Variants in RANBP2 observed in about 807,000 individuals in gnomAD.
RANBP2 encodes E3 SUMO-protein ligase RanBP2.
Under a neutral mutation model 303.6 loss-of-function variants are expected in RANBP2, and 57 were observed. That is an observed-to-expected ratio of 0.19 (90% CI 0.15 to 0.23). RANBP2 has a LOEUF of 0.23. RANBP2 is among the 10% of genes least tolerant of loss of function. The pLI, the probability that RANBP2 is intolerant of heterozygous loss-of-function variation, is 1.00. For synonymous variants in RANBP2, 1,167 were observed against 1,301.5 expected, an observed-to-expected ratio of 0.90 and a Z score of 2.23; for missense variants, 3,138 against 3,780.8, an observed-to-expected ratio of 0.83 and a Z score of 4.46.
chr2:108,783,012 C>T (rs1441421269), intron 28 of RANBP2, 150 bp downstream of exon 28: 6 of 721,910 alleles, frequency 8.3e-6, no homozygotes, highest in Middle Eastern at 7.2e-4. Context: ...GGCATCACTA[C>T]CCATTCCCTG....
At chr2:108,897,538 T>G in the RANBP2 span, among the ~76,000 whole-genome samples, 1 of 152,170 alleles carries the variant, frequency 6.6e-6, no homozygotes, top group Non-Finnish European at 1.5e-5. Flanking sequence ...TCTCAAAGAC[T>G]TCAAGACAAG....
the RANBP2 span, among the ~76,000 whole-genome samples, chr2:109,163,647 C>T: frequency 1.3e-5 from 2 of 152,006 alleles, no homozygotes; most frequent in Non-Finnish European, 2.9e-5. Context: ...GATCCGCCCG[C>T]CTCGGCCTCC....
At chr2:109,762,969 T>C in the RANBP2 span, among the ~76,000 whole-genome samples, 2 of 143,206 alleles carry the variant, frequency 1.4e-5, no homozygotes, top group Non-Finnish European at 3.0e-5. Flanking sequence ...ATGTTCTCAG[T>C]TTTATGGTTT....
the RANBP2 span, among the ~76,000 whole-genome samples, chr2:109,426,545 G>A: frequency 1.3e-5 from 2 of 152,212 alleles, no homozygotes; most frequent in African/African-American, 2.4e-5. Context: ...AACAGATGAG[G>A]AGTTGCTCCT....
chr2:109,295,092 A>G, the RANBP2 span, among the ~76,000 whole-genome samples: 7 of 152,348 alleles, frequency 4.6e-5, no homozygotes, highest in Non-Finnish European at 8.8e-5. Context: ...GAAAATTGAG[A>G]TGCAGACTTA....
the RANBP2 span, among the ~76,000 whole-genome samples, chr2:109,011,102 C>T: frequency 4.6e-5 from 7 of 152,230 alleles, no homozygotes; most frequent in African/African-American, 1.7e-4. Flanking sequence ...ACTGTGTCAT[C>T]TTAGGGTCAC....
chr2:108,875,331 AAAAAAG>A, the RANBP2 span, among the ~76,000 whole-genome samples: 36 of 136,310 alleles, frequency 2.6e-4, 1 homozygote, highest in East Asian at 0.13. Context: ...AAAAAAAAAA[AAAAAAG>A]AAACAAATTC....
chr2:109,449,114 C>CCGT, the RANBP2 span: 2 of 1,559,406 alleles, frequency 1.3e-6, no homozygotes, highest in Non-Finnish European at 1.7e-6. Context: ...GCCTGGCAGG[C>CCGT]ATGGCAAGTT....
chr2:109,498,772 C>G, the RANBP2 span, among the ~76,000 whole-genome samples: 1 of 152,162 alleles, frequency 6.6e-6, no homozygotes, highest in Non-Finnish European at 1.5e-5. Flanking sequence ...CAGACTGGTG[C>G]AGGAGGCAGG....
the RANBP2 span, among the ~76,000 whole-genome samples, chr2:109,286,299 G>C: frequency 6.6e-6 from 1 of 152,204 alleles, no homozygotes; most frequent in Admixed American, 6.5e-5. Context: ...TGTGGTCAAG[G>C]GATGTGTTTG....
At chr2:108,769,876 A>G (rs1200359159) in intron 20 of RANBP2, among the ~76,000 whole-genome samples, 1 of 152,032 alleles carries the variant, frequency 6.6e-6, no homozygotes, top group African/African-American at 2.4e-5. Context: ...AGGTTAGGGA[A>G]GTGAAATCTC....
At chr2:109,343,882 T>C in the RANBP2 span, among the ~76,000 whole-genome samples, 8 of 152,226 alleles carry the variant, frequency 5.3e-5, no homozygotes, top group African/African-American at 1.9e-4. Flanking sequence ...TAGCTGAGAC[T>C]ACAGGTACTT....
the RANBP2 span, among the ~76,000 whole-genome samples, chr2:109,082,595 G>A: frequency 7.9e-5 from 12 of 151,072 alleles, no homozygotes; most frequent in Admixed American, 3.9e-4. Context: ...CACCACACCC[G>A]GCCTAGCACC....
At chr2:109,194,464 T>C in the RANBP2 span, among the ~76,000 whole-genome samples, 1 of 152,214 alleles carries the variant, frequency 6.6e-6, no homozygotes, top group Non-Finnish European at 1.5e-5. Context: ...GTGTTGAGGC[T>C]CTGTAGAATG....
chr2:109,572,807 AG>A, the RANBP2 span, among the ~76,000 whole-genome samples: 1 of 150,732 alleles, frequency 6.6e-6, no homozygotes, highest in African/African-American at 2.4e-5. Context: ...AGTAGAGACA[AG>A]GTTTCACTAT....
chr2:109,052,253 TC>T, the RANBP2 span, among the ~76,000 whole-genome samples: 1 of 152,348 alleles, frequency 6.6e-6, no homozygotes, highest in African/African-American at 2.4e-5. Context: ...CCAAGAATTC[TC>T]CAGTCATCCT....
At chr2:109,330,672 T>C in the RANBP2 span, among the ~76,000 whole-genome samples, 3 of 152,160 alleles carry the variant, frequency 2.0e-5, no homozygotes, top group East Asian at 5.8e-4. Flanking sequence ...TGAGGAGTGA[T>C]GGATGGATGG....
At chr2:109,645,611 C>T in the RANBP2 span, among the ~76,000 whole-genome samples, 1 of 152,170 alleles carries the variant, frequency 6.6e-6, no homozygotes, top group Admixed American at 6.6e-5. Flanking sequence ...CTGAGAGGTG[C>T]GACAGGCTCA....
the RANBP2 span, among the ~76,000 whole-genome samples, chr2:108,963,307 A>G: frequency 6.6e-6 from 1 of 152,240 alleles, no homozygotes; most frequent in Admixed American, 6.5e-5. Context: ...CATAGCAACT[A>G]TGAGAAAAGA....
Sources: gnomAD v4.1 joint callset for allele counts (sites outside exome capture counted in the v4.1 genomes callset) on GRCh38, gnomAD v4.1.1 for gene constraint, MANE v1.5 for transcripts, NCBI Gene and HGNC (gene_info 2026-07-23, HGNC 2026-07-21) for gene names.